Variants in NINL observed in about 807,000 individuals in gnomAD.
NINL encodes the protein ninein like.
Under a neutral mutation model 160.3 loss-of-function variants are expected in NINL, and 153 were observed. The observed-to-expected ratio is 0.95, with a 90% confidence interval of 0.84 to 1.09. The LOEUF (loss-of-function observed/expected upper bound fraction) is 1.09, where lower values mean the gene tolerates loss of function less well. NINL is among the 50% of genes least tolerant of loss of function. The pLI is 0.00. For synonymous variants in NINL, 800 were observed against 734.8 expected (o/e 1.09, Z -1.43); for missense variants, 1,829 against 1,764.0 (o/e 1.04, Z -0.66).
chr20:25,500,430 A>T (rs1013704995), intron 8 of NINL, among the ~76,000 whole-genome samples: 5 of 152,230 alleles, frequency 3.3e-5, no homozygotes, highest in Non-Finnish European at 7.3e-5. Context: ...CCAGCCAGGC[A>T]GGGGCTCCAG....
chr20:25,583,184 G>C (rs1470357126), intron 1 of NINL, among the ~76,000 whole-genome samples: 2 of 152,112 alleles, frequency 1.3e-5, no homozygotes, highest in African/African-American at 4.8e-5. Context: ...AGAGTGAACA[G>C]GCAACCTACA....
intron 1 of NINL, among the ~76,000 whole-genome samples, chr20:25,540,275 C>A (rs1341363593): frequency 6.6e-6 from 1 of 152,178 alleles, no homozygotes; most frequent in Non-Finnish European, 1.5e-5. Flanking sequence ...ATTTAAGATA[C>A]AAACATAAAC....
intron 2 of NINL, among the ~76,000 whole-genome samples, chr20:25,524,165 C>A (rs944418438): frequency 2.6e-5 from 4 of 152,148 alleles, no homozygotes; most frequent in Non-Finnish European, 5.9e-5. Context: ...AGCAGAGAAG[C>A]AAGCAGAGCC....
chr20:25,576,145 A>C (rs2065112302), intron 1 of NINL, among the ~76,000 whole-genome samples: 1 of 152,166 alleles, frequency 6.6e-6, no homozygotes, highest in African/African-American at 2.4e-5. Context: ...CAATTCAGAG[A>C]CAAGCACTGT....
chr20:25,541,251 G>A (rs577135656), intron 1 of NINL, among the ~76,000 whole-genome samples: 19 of 152,272 alleles, frequency 1.2e-4, no homozygotes, highest in Middle Eastern at 3.4e-3. Context: ...CCTCAGTTTC[G>A]TGATCTGAAC....
chr20:25,534,092 C>T (rs932616938), intron 1 of NINL, among the ~76,000 whole-genome samples: 1 of 152,190 alleles, frequency 6.6e-6, no homozygotes, highest in Non-Finnish European at 1.5e-5. Flanking sequence ...CCAGGATACA[C>T]AGTCCTCCTG....
At chr20:25,515,139 T>G (rs924245927) in intron 3 of NINL, among the ~76,000 whole-genome samples, 5 of 152,176 alleles carry the variant, frequency 3.3e-5, no homozygotes, top group African/African-American at 1.2e-4. Flanking sequence ...CCACAGGCAC[T>G]CAACATCAGC....
intron 1 of NINL, among the ~76,000 whole-genome samples, chr20:25,584,879 G>C (rs117495226): frequency 0.017 from 2,533 of 152,382 alleles, 25 homozygotes; most frequent in Non-Finnish European, 0.027. Context: ...CGGGAGGAAA[G>C]GGGCGAATCT....
intron 2 of NINL, among the ~76,000 whole-genome samples, chr20:25,525,905 C>T (rs1430280950): frequency 6.6e-6 from 1 of 152,142 alleles, no homozygotes; most frequent in East Asian, 1.9e-4. Context: ...TCTATCTGGC[C>T]TAGATGAAAT....
intron 3 of NINL, among the ~76,000 whole-genome samples, chr20:25,513,286 T>C (rs2064107909): frequency 6.6e-6 from 1 of 152,230 alleles, no homozygotes; most frequent in Non-Finnish European, 1.5e-5. Context: ...ATTTTGCTTT[T>C]ATGTAATGAA....
chr20:25,481,698 G>A, intron 14 of NINL: 1 of 501,430 alleles, frequency 2.0e-6, no homozygotes, highest in South Asian at 3.2e-5. Context: ...CACTGAAACA[G>A]CTCTGAGATG....
intron 8 of NINL, chr20:25,499,223 C>G: frequency 1.0e-6 from 1 of 985,392 alleles, no homozygotes; most frequent in Admixed American, 6.1e-5. Flanking sequence ...GCCTGGAAAG[C>G]TGTCCCTACA....
At chr20:25,505,838 T>C (rs1057396927) in intron 5 of NINL, among the ~76,000 whole-genome samples, 2 of 152,226 alleles carry the variant, frequency 1.3e-5, no homozygotes, top group African/African-American at 2.4e-5. Flanking sequence ...ACATGGGTTT[T>C]CATGCCACAG....
chr20:25,552,728 T>C (rs1332850595), intron 1 of NINL, among the ~76,000 whole-genome samples: 1 of 152,226 alleles, frequency 6.6e-6, no homozygotes, highest in Non-Finnish European at 1.5e-5. Context: ...TCCCAGGCTA[T>C]GTCCAGGAGA....
Position 25,505,067 on chromosome 20 carries a change from T to C in NINL, c.529A>G (p.Thr177Ala), listed in dbSNP as rs757687630. Residue 177 changes from threonine (T) to alanine (A), a missense_variant, in exon 6 of 24, where the codon ACC becomes GCC. Physicochemically the swap from Thr to Ala is moderately conservative, Grantham distance 58. Transcript: ENST00000278886. ...CTCCCAAAGTCCTCAGAATCCCAGG[T>C]CTGCAGCTGTCCTGAAGCAAGGGAG... ...ELFEAQGQLQ[T>A]WDSEDFGSPQ... 9 of 1,591,708 alleles carry C rather than the reference T, an allele frequency of 5.7e-6. No homozygotes were observed.
chr20:25,509,463 G>A (rs1601184545), intron 5 of NINL, among the ~76,000 whole-genome samples: 1 of 152,228 alleles, frequency 6.6e-6, no homozygotes, highest in East Asian at 1.9e-4. Context: ...AAAAGCTTGT[G>A]CTGTGATTGT....
At position 25,500,840 on chromosome 20, in the gene NINL, C is replaced by T. The variant is rs2146787124; in HGVS notation, c.1032G>A (p.Gln344=). 6.2e-7 allele frequency: 1 copy of T among 1,613,202 alleles called. No individual in the cohort carries two copies. Among genetic ancestry groups the T allele is most frequent in the Non-Finnish European group, 8.5e-7 (1 of 1,179,530 alleles). ...EGIQNGREIL[Q]SLDFSVDEKV... ...GCTTAGGCATCACCCAGTTCCAAACCTGCAAGATCTCCCTGCCATTCTGAA... is the reference window on the plus strand; with the variant it reads ...GCTTAGGCATCACCCAGTTCCAAACTTGCAAGATCTCCCTGCCATTCTGAA... The change falls in exon 8 of 24, where the codon CAG becomes CAA. Residue 344 remains glutamine (Q), a splice_region_variant and synonymous_variant. Transcript: ENST00000278886.
At chr20:25,472,553 T>TC (rs2063132063) in intron 17 of NINL, among the ~76,000 whole-genome samples, 1 of 148,484 alleles carries the variant, frequency 6.7e-6, no homozygotes. Context: ...TTTTTTTTTT[T>TC]CCCTTTTGCT....
At chr20:25,568,255 A>G (rs962675139) in intron 1 of NINL, among the ~76,000 whole-genome samples, 1 of 151,800 alleles carries the variant, frequency 6.6e-6, no homozygotes, top group African/African-American at 2.4e-5. Flanking sequence ...ACAAACTGCC[A>G]TTATTGGCAA....
Sources: gnomAD v4.1 joint callset for allele counts (sites outside exome capture counted in the v4.1 genomes callset) on GRCh38, gnomAD v4.1.1 for gene constraint, MANE v1.5 for transcripts, NCBI Gene and HGNC (gene_info 2026-07-23, HGNC 2026-07-21) for gene names.